Variants in MED12L observed in about 807,000 individuals in gnomAD.
MED12L encodes the protein mediator complex subunit 12L, also known as mediator of RNA polymerase II transcription subunit 12-like protein.
MED12L carries 60 observed loss-of-function variants against 281.3 expected under a neutral mutation model. The ratio of observed to expected loss-of-function variants is 0.21; its 90% CI spans 0.17 to 0.26. The LOEUF (loss-of-function observed/expected upper bound fraction) is 0.26, where lower values mean the gene tolerates loss of function less well. MED12L is among the 10% of genes least tolerant of loss of function. MED12L has a pLI of 1.00. For missense variants in MED12L, 2,146 were observed against 2,680.9 expected, an observed-to-expected ratio of 0.80 and a Z score of 4.41; for synonymous variants, 974 against 987.2, an observed-to-expected ratio of 0.99 and a Z score of 0.25.
chr3:151,183,751 A>G (rs1722962113), intron 11 of MED12L, among the ~76,000 whole-genome samples: 1 of 152,250 alleles, frequency 6.6e-6, no homozygotes. Context: ...TCAGTGGGAA[A>G]AGAAGTTTTT....
At chr3:151,337,543 A>G (rs1479403015) in intron 16 of MED12L, 7 of 348,920 alleles carry the variant, frequency 2.0e-5, no homozygotes, top group Non-Finnish European at 2.6e-5. Context: ...AAACTCTGCA[A>G]AACATGAATT....
intron 39 of MED12L, among the ~76,000 whole-genome samples, chr3:151,402,070 C>T (rs1236213838): frequency 6.6e-6 from 1 of 152,126 alleles, no homozygotes; most frequent in African/African-American, 2.4e-5. Flanking sequence ...TGTACAAATG[C>T]AATCAATTAT....
intron 20 of MED12L, among the ~76,000 whole-genome samples, 176 bp downstream of exon 20, chr3:151,357,552 G>A (rs1754079298): frequency 2.0e-5 from 3 of 152,166 alleles, no homozygotes; most frequent in Admixed American, 2.0e-4. Context: ...TGTAAAGTAT[G>A]TTCTTTCTAA....
chr3:151,086,712 G>A, intron 1 of MED12L, 86 bp from the exon 2 acceptor site: 1 of 423,738 alleles, frequency 2.4e-6, no homozygotes, highest in South Asian at 4.3e-5. Flanking sequence ...GCGCAGCCGA[G>A]TACCCGCCGA....
chr3:151,313,082 A>T (rs989600799), intron 16 of MED12L, among the ~76,000 whole-genome samples: 10 of 152,152 alleles, frequency 6.6e-5, no homozygotes, highest in African/African-American at 1.7e-4. Flanking sequence ...CTGTCGCTGG[A>T]GTGCTAGAGC....
At chr3:151,413,839 A>T (rs1294021193) in intron 42 of MED12L, among the ~76,000 whole-genome samples, 2 of 151,984 alleles carry the variant, frequency 1.3e-5, no homozygotes, top group Non-Finnish European at 1.5e-5. Context: ...GTACATTTTA[A>T]GTCAGTTAGA....
intron 16 of MED12L, among the ~76,000 whole-genome samples, chr3:151,305,381 T>G (rs1388617): frequency 6.6e-6 from 1 of 152,034 alleles, no homozygotes; most frequent in Non-Finnish European, 1.5e-5. Flanking sequence ...AGCCACCCAT[T>G]GGTATTTTCC....
intron 16 of MED12L, among the ~76,000 whole-genome samples, chr3:151,242,762 T>C (rs1323645845): frequency 6.6e-6 from 1 of 152,176 alleles, no homozygotes; most frequent in East Asian, 1.9e-4. Context: ...CAAAGCTGGA[T>C]GGAGAATGAC....
At chr3:151,420,850 T>C (rs2108421465) in intron 43 of MED12L, among the ~76,000 whole-genome samples, 1 of 152,170 alleles carries the variant, frequency 6.6e-6, no homozygotes, top group South Asian at 2.1e-4. Flanking sequence ...CCACGGATGG[T>C]AGTCTTGGCA....
chr3:151,175,133 A>C (rs1460491659), intron 11 of MED12L, among the ~76,000 whole-genome samples: 1 of 152,230 alleles, frequency 6.6e-6, no homozygotes, highest in Non-Finnish European at 1.5e-5. Flanking sequence ...GTTATGTTCT[A>C]TTAGCAGTTA....
At chr3:151,366,665 A>G (rs1577456718) in intron 23 of MED12L, among the ~76,000 whole-genome samples, 2 of 152,182 alleles carry the variant, frequency 1.3e-5, no homozygotes, top group African/African-American at 4.8e-5. Flanking sequence ...AGTTCTTTAT[A>G]CATCTTTACA....
intron 16 of MED12L, chr3:151,278,344 A>AT (rs1264224255): frequency 1.3e-5 from 2 of 151,094 alleles, no homozygotes; most frequent in African/African-American, 2.4e-5. Flanking sequence ...AATACCTCTC[A>AT]TTGTAGGCTC....
At chr3:151,180,588 T>G (rs181231766) in intron 11 of MED12L, among the ~76,000 whole-genome samples, 2 of 152,334 alleles carry the variant, frequency 1.3e-5, no homozygotes, top group Admixed American at 1.3e-4. Context: ...TAGCACATTC[T>G]GCCTCCCAAA....
At chr3:151,296,592 T>G (rs1297510850) in intron 16 of MED12L, among the ~76,000 whole-genome samples, 4 of 138,040 alleles carry the variant, frequency 2.9e-5, no homozygotes, top group African/African-American at 1.0e-4. Flanking sequence ...TCTTCCTTCC[T>G]TCTTTCTCCC....
intron 16 of MED12L, among the ~76,000 whole-genome samples, chr3:151,247,962 CTTTTTTTTTTTTTT>C (rs61102632): frequency 6.6e-5 from 5 of 75,904 alleles, no homozygotes; most frequent in Non-Finnish European, 9.8e-5. Flanking sequence ...TCTTCTTCTT[CTTTTTTTTTTTTTT>C]TTTTTTTTTG....
intron 16 of MED12L, among the ~76,000 whole-genome samples, chr3:151,233,733 C>CA (rs1732180352): frequency 6.6e-6 from 1 of 152,070 alleles, no homozygotes; most frequent in Non-Finnish European, 1.5e-5. Flanking sequence ...AACTCCGTCT[C>CA]AAAAAAACAA....
chr3:151,395,812 A>G (rs1353871222), intron 39 of MED12L, among the ~76,000 whole-genome samples: 1 of 152,262 alleles, frequency 6.6e-6, no homozygotes, highest in African/African-American at 2.4e-5. Flanking sequence ...AATACTTTCA[A>G]CATAGCAAGA....
At chr3:151,131,803 T>G (rs1226997411) in intron 5 of MED12L, among the ~76,000 whole-genome samples, 1 of 152,120 alleles carries the variant, frequency 6.6e-6, no homozygotes. Context: ...GTTGGATTCA[T>G]TAGTTTTACC....
At chr3:151,234,751 T>C (rs1215445603) in intron 16 of MED12L, among the ~76,000 whole-genome samples, 5 of 152,190 alleles carry the variant, frequency 3.3e-5, no homozygotes, top group Non-Finnish European at 7.4e-5. Flanking sequence ...GCCTCTCTTC[T>C]AGTAAATGGC....
Sources: gnomAD v4.1 joint callset for allele counts (sites outside exome capture counted in the v4.1 genomes callset) on GRCh38, gnomAD v4.1.1 for gene constraint, MANE v1.5 for transcripts, NCBI Gene and HGNC (gene_info 2026-07-23, HGNC 2026-07-21) for gene names.